The following ACOT13 variants were observed in gnomAD, a reference collection of about 807,000 sequenced individuals.
The protein encoded by ACOT13 is acyl-coenzyme A thioesterase 13.
In ACOT13, 10 loss-of-function variants were observed where a neutral mutation model predicts 11.8. That is an observed-to-expected ratio of 0.85 (90% CI 0.53 to 1.44). The LOEUF is 1.44. Among genes scored for constraint, ACOT13 ranks in the 40% most tolerant of loss-of-function variants. The pLI is 0.00. For missense variants in ACOT13, 172 were observed against 174.1 expected (o/e 0.99, Z 0.07); for synonymous variants, 53 against 61.0 (o/e 0.87, Z 0.61).
At chr6:24,699,712 T>G (rs1778863193) in intron 2 of ACOT13, among the ~76,000 whole-genome samples, 1 of 152,224 alleles carries the variant, frequency 6.6e-6, no homozygotes. Flanking sequence ...CCTTATTTCA[T>G]GTGGTAAGAG....
Position 24,704,800 on chromosome 6 carries a change from T to C in ACOT13, c.*3185T>C, listed in dbSNP as rs1778967335. 6.6e-6 allele frequency: 1 copy of C among 152,200 alleles called. No individual in the cohort carries two copies. Among genetic ancestry groups the C allele is most frequent in the Non-Finnish European group, 1.5e-5 (1 of 68,030 alleles). 9.4% of individuals were successfully genotyped at this position (152,200 alleles called of 1,614,324 possible). Reference sequence around the variant, plus strand: ...TACTATTTAGCCACAGACTATGAAATAATTCTCTAAGGTGACCAGTAACAT... The same window carrying C: ...TACTATTTAGCCACAGACTATGAAACAATTCTCTAAGGTGACCAGTAACAT... On this transcript the variant is annotated 3_prime_UTR_variant, in exon 3 of 3. Coordinates refer to ENST00000230048, the MANE Select transcript of ACOT13 (RefSeq NM_018473.4).
At chr6:24,682,503 C>A (rs1038979381) in intron 1 of ACOT13, among the ~76,000 whole-genome samples, 4 of 152,176 alleles carry the variant, frequency 2.6e-5, no homozygotes, top group African/African-American at 9.7e-5. Flanking sequence ...AACCGTGGAA[C>A]CCAGTGACTA....
At chr6:24,680,327 C>A (rs1778527249) in intron 1 of ACOT13, among the ~76,000 whole-genome samples, 3 of 152,114 alleles carry the variant, frequency 2.0e-5, no homozygotes, top group African/African-American at 7.2e-5. Flanking sequence ...GAATATAAGT[C>A]ATTTCTTTCT....
At chr6:24,667,370 G>T (rs749691927) in intron 1 of ACOT13, 26 bp downstream of exon 1, 8 of 1,602,880 alleles carry the variant, frequency 5.0e-6, no homozygotes, top group Non-Finnish European at 6.8e-6. Flanking sequence ...GGGAGAAGCC[G>T]TGGCTTCTAA....
chr6:24,684,436 G>A (rs1481323598), intron 1 of ACOT13, among the ~76,000 whole-genome samples: 3 of 152,098 alleles, frequency 2.0e-5, no homozygotes, highest in Non-Finnish European at 2.9e-5. Context: ...TTGAGTATCC[G>A]GTTAAAATCC....
intron 1 of ACOT13, among the ~76,000 whole-genome samples, chr6:24,671,217 G>A (rs1778357896): frequency 6.6e-6 from 1 of 152,140 alleles, no homozygotes; most frequent in Non-Finnish European, 1.5e-5. Flanking sequence ...CAACCCAAAT[G>A]TCCATCAATG....
chr6:24,671,780 T>C (rs116195702), intron 1 of ACOT13, among the ~76,000 whole-genome samples: 5,002 of 152,178 alleles, frequency 0.033, 247 homozygotes, highest in African/African-American at 0.11. Flanking sequence ...AAAGACACAA[T>C]TGACAAGGAA....
At chr6:24,676,176 T>G (rs530315084) in intron 1 of ACOT13, among the ~76,000 whole-genome samples, 26 of 152,328 alleles carry the variant, frequency 1.7e-4, no homozygotes, top group African/African-American at 6.0e-4. Flanking sequence ...TCCAGCTTTG[T>G]TCTTTTGGCT....
intron 1 of ACOT13, among the ~76,000 whole-genome samples, chr6:24,690,425 A>G (rs1036455353): frequency 2.0e-5 from 3 of 152,162 alleles, no homozygotes; most frequent in Admixed American, 6.5e-5. Flanking sequence ...AGTCTTGCCA[A>G]TAAGATCCAT....
intron 1 of ACOT13, among the ~76,000 whole-genome samples, chr6:24,668,856 A>G (rs936376369): frequency 2.0e-5 from 3 of 152,186 alleles, no homozygotes; most frequent in African/African-American, 7.2e-5. Flanking sequence ...GCTTTTTGCA[A>G]CCAATCAGAG....
chr6:24,677,929 G>A (rs1008646788), intron 1 of ACOT13, among the ~76,000 whole-genome samples: 2 of 152,184 alleles, frequency 1.3e-5, no homozygotes, highest in African/African-American at 4.8e-5. Context: ...CCTGCTGTGA[G>A]CAGAGCTGAG....
Position 24,667,207 on chromosome 6 carries a change from C to A in ACOT13, c.-57C>A. On this transcript the variant is annotated 5_prime_UTR_variant, in exon 1 of 3. Transcript: ENST00000230048. Reference sequence around the variant, plus strand: ...CTTCTTTCACTAACTTCTGGACTTTCCAGCTCTTCCGAAGTTCGTTCTTGC... The same window carrying A: ...CTTCTTTCACTAACTTCTGGACTTTACAGCTCTTCCGAAGTTCGTTCTTGC... The A allele has an allele frequency of 6.4e-7, 1 of 1,550,852 alleles. No homozygotes were observed. Among genetic ancestry groups the A allele is most frequent in the Non-Finnish European group, 8.9e-7 (1 of 1,127,062 alleles).
chr6:24,699,898 T>C (rs575387826), intron 2 of ACOT13, among the ~76,000 whole-genome samples: 3 of 152,252 alleles, frequency 2.0e-5, no homozygotes, highest in South Asian at 2.1e-4. Context: ...GCCAAAAGCA[T>C]TGGCCATCAA....
chr6:24,698,232 A>G (rs186922814), intron 2 of ACOT13, among the ~76,000 whole-genome samples, 165 bp downstream of exon 2: 39 of 152,378 alleles, frequency 2.6e-4, no homozygotes, highest in African/African-American at 8.4e-4. Flanking sequence ...CTTAAAATCT[A>G]GAACTAGAGC....
At position 24,679,521 on chromosome 6, in the gene ACOT13, A is replaced by T. The variant is rs192441970; in HGVS notation, c.81+12177A>T. 2.8e-3 allele frequency among the ~76,000 whole-genome samples: 421 copies of T among 152,282 alleles called. 1 individual carries two copies. Among genetic ancestry groups the T allele is most frequent in the Non-Finnish European group, 5.0e-3 (342 of 68,018 alleles). On this transcript the variant is annotated intron_variant, in intron 1 of 2. Coordinates refer to ENST00000230048, the MANE Select transcript of ACOT13 (RefSeq NM_018473.4). Reference sequence around the variant, plus strand: ...TGTGTTATAGTGGACATCATTGCATAATTCATAGGCTTCTTCCTAGTTTTC... The same window carrying T: ...TGTGTTATAGTGGACATCATTGCATTATTCATAGGCTTCTTCCTAGTTTTC...
intron 2 of ACOT13, among the ~76,000 whole-genome samples, chr6:24,699,564 C>T (rs996252852): frequency 6.6e-6 from 1 of 152,226 alleles, no homozygotes; most frequent in Non-Finnish European, 1.5e-5. Context: ...AAGAAACATT[C>T]AGTCCCTCTT....
intron 1 of ACOT13, among the ~76,000 whole-genome samples, chr6:24,682,083 C>T (rs1022483758): frequency 2.4e-4 from 36 of 152,336 alleles, no homozygotes; most frequent in African/African-American, 8.4e-4. Flanking sequence ...CCAACGTCCC[C>T]AACCCAGAAG....
intron 1 of ACOT13, among the ~76,000 whole-genome samples, chr6:24,681,399 A>G (rs1009453041): frequency 1.2e-4 from 18 of 152,270 alleles, no homozygotes; most frequent in African/African-American, 3.1e-4. Context: ...TACATTGACA[A>G]CAGTGGTATT....
intron 1 of ACOT13, among the ~76,000 whole-genome samples, chr6:24,683,690 A>C (rs1477187934): frequency 2.4e-5 from 2 of 83,294 alleles, no homozygotes; most frequent in African/African-American, 1.3e-4. Context: ...AAGGTAGGAC[A>C]ACTCGAAGTA....
Sources: gnomAD v4.1 joint callset for allele counts (sites outside exome capture counted in the v4.1 genomes callset) on GRCh38, gnomAD v4.1.1 for gene constraint, MANE v1.5 for transcripts, NCBI Gene and HGNC (gene_info 2026-07-23, HGNC 2026-07-21) for gene names.